ADAMTS9: variants seen among roughly 807,000 people sequenced by gnomAD.
ADAMTS9 encodes the protein ADAM metallopeptidase with thrombospondin type 1 motif 9.
ADAMTS9 carries 107 observed loss-of-function variants against 257.1 expected under a neutral mutation model. The ratio of observed to expected loss-of-function variants is 0.42; its 90% CI spans 0.36 to 0.49. The LOEUF (loss-of-function observed/expected upper bound fraction) is 0.49, where lower values mean the gene tolerates loss of function less well. Ranked by LOEUF, ADAMTS9 falls within the 20% of genes least tolerant of loss-of-function variation. ADAMTS9 has a pLI of 0.03. For missense variants in ADAMTS9, 2,353 were observed against 2,469.1 expected, an observed-to-expected ratio of 0.95 and a Z score of 1.00; for synonymous variants, 982 against 880.9, an observed-to-expected ratio of 1.11 and a Z score of -2.03.
intron 12 of ADAMTS9, among the ~76,000 whole-genome samples, chr3:64,640,610 T>C (rs935681937): frequency 6.6e-6 from 1 of 152,218 alleles, no homozygotes; most frequent in South Asian, 2.1e-4. Context: ...AAAATGGTTG[T>C]TGGTTTTTAC....
rs554620802 is a variant in ADAMTS9, at chr3:64,687,335, A to AG, written c.115+207dup. ...GGGATATATCTGGCAACAGCAAGGT[A>AG]GGGGGGGGTTGCCTAAATTCGTTTC... On this transcript the variant is annotated intron_variant, in intron 1 of 39. Coordinates refer to ENST00000498707, the MANE Select transcript of ADAMTS9 (RefSeq NM_182920.2). The surrounding 1 kb of genome is among the most constrained non-coding windows in gnomAD (Gnocchi z 4.4). Among the ~76,000 whole-genome samples, 2,185 of 151,768 alleles carry AG rather than the reference A, an allele frequency of 0.014. 30 individuals are homozygous for AG. Among genetic ancestry groups the AG allele is most frequent in the Middle Eastern group, 0.041 (12 of 292 alleles).
chr3:64,655,968 C>G (rs1380357505), intron 4 of ADAMTS9, 93 bp from the exon 5 acceptor site: 1 of 722,286 alleles, frequency 1.4e-6, no homozygotes, highest in Non-Finnish European at 2.2e-6. Context: ...CTCTTTTTTA[C>G]GTTTCTTGCA....
At chr3:64,647,245 A>G (rs1700819630) in intron 11 of ADAMTS9, among the ~76,000 whole-genome samples, 1 of 152,100 alleles carries the variant, frequency 6.6e-6, no homozygotes, top group African/African-American at 2.4e-5. Flanking sequence ...TTTTGTTACC[A>G]AATTTTTGGG....
intron 28 of ADAMTS9, among the ~76,000 whole-genome samples, chr3:64,573,261 T>C (rs1375894077): frequency 2.6e-5 from 4 of 152,144 alleles, no homozygotes; most frequent in African/African-American, 2.4e-5. Flanking sequence ...CAGTTCTATG[T>C]ATCTAGGTGA....
At chr3:64,641,274 G>C (rs1203043460) in intron 12 of ADAMTS9, among the ~76,000 whole-genome samples, 2 of 141,362 alleles carry the variant, frequency 1.4e-5, no homozygotes, top group Non-Finnish European at 3.1e-5. Context: ...CTTTTTTTTT[G>C]TTTTGTTTTG....
intron 30 of ADAMTS9, among the ~76,000 whole-genome samples, chr3:64,555,824 G>C (rs12635161): frequency 0.46 from 70,066 of 151,514 alleles, 16,668 homozygotes; most frequent in East Asian, 0.69. Context: ...GTGGAGAAGC[G>C]GGGGAGCAGA....
At chr3:64,519,079 C>T (rs960485446) in intron 39 of ADAMTS9, among the ~76,000 whole-genome samples, 10 of 152,248 alleles carry the variant, frequency 6.6e-5, no homozygotes, top group African/African-American at 9.6e-5. Context: ...TGCCCAGCCT[C>T]ATCATGATCT....
rs2083090424 is a variant in ADAMTS9 at position 64,539,233 on chromosome 3, C to T, written c.5583G>A (p.Gly1861=). 2.5e-6 allele frequency: 4 copies of T among 1,614,036 alleles called. No homozygotes were observed. The highest frequency in any genetic ancestry group is 3.4e-6 in the Non-Finnish European group (4 of 1,179,928). The change falls in exon 37 of 40, where the codon GGG becomes GGA. Residue 1861 remains glycine (G), a synonymous_variant. Transcript: ENST00000498707. ...GGCACTTGGCAGCGCTGTAGCAATCCCCGGCTGTGGCAAAAGGGACGGGAT... is the reference window on the plus strand; with the variant it reads ...GGCACTTGGCAGCGCTGTAGCAATCTCCGGCTGTGGCAAAAGGGACGGGAT... ...EGHPVPFATA[G]DCYSAAKCPQ...
At position 64,517,421 on chromosome 3, in the gene ADAMTS9, T is replaced by TTTTTTTTTTTTTTTTTTTG. The variant is rs2082792044; in HGVS notation, c.*6-319_*6-301dup. Among the ~76,000 whole-genome samples, 3 of 122,076 alleles carry TTTTTTTTTTTTTTTTTTTG rather than the reference T, an allele frequency of 2.5e-5. 1 individual carries two copies. Among genetic ancestry groups the TTTTTTTTTTTTTTTTTTTG allele is most frequent in the Non-Finnish European group, 5.2e-5 (3 of 57,176 alleles). 80.1% of individuals were successfully genotyped at this position (122,076 alleles called of 152,430 possible). ...AGCCCAGCTAATTAAAAATGGTTTTTTTTTTTTTTTTTTTTTTTGCAGAAA... is the reference window on the plus strand; with the variant it reads ...AGCCCAGCTAATTAAAAATGGTTTTTTTTTTTTTTTTTTTTTTTGTTTTTTTTTTTTTTTTTTGCAGAAA... On this transcript the variant is annotated intron_variant, in intron 39 of 39. Coordinates refer to ENST00000498707, the MANE Select transcript of ADAMTS9 (RefSeq NM_182920.2).
chr3:64,684,319 A>C (rs1701836282), intron 2 of ADAMTS9, among the ~76,000 whole-genome samples: 1 of 124,814 alleles, frequency 8.0e-6, no homozygotes, highest in South Asian at 2.7e-4. Flanking sequence ...GATTTAGGGT[A>C]GAGATGTTCA....
chr3:64,532,439 C>T (rs926439585), intron 38 of ADAMTS9, among the ~76,000 whole-genome samples: 3 of 152,268 alleles, frequency 2.0e-5, no homozygotes, highest in South Asian at 2.1e-4. Flanking sequence ...TTCTACCGAG[C>T]GTGTTCTGCT....
At chr3:64,654,314 T>C (rs1367635442) in intron 8 of ADAMTS9, 39 bp downstream of exon 8, 2 of 1,581,066 alleles carry the variant, frequency 1.3e-6, no homozygotes, top group East Asian at 2.2e-5. Flanking sequence ...AAGGTTTAGG[T>C]CACTCCAAAT....
At chr3:64,517,522 G>A (rs1035696500) in intron 39 of ADAMTS9, among the ~76,000 whole-genome samples, 7 of 135,690 alleles carry the variant, frequency 5.2e-5, no homozygotes, top group Admixed American at 2.7e-4. Context: ...GCCTCCTAAA[G>A]TGCTGGCATT....
intron 30 of ADAMTS9, among the ~76,000 whole-genome samples, chr3:64,557,946 G>A (rs1261605986): frequency 6.6e-6 from 1 of 152,154 alleles, no homozygotes; most frequent in African/African-American, 2.4e-5. Flanking sequence ...CCTTTCCCCT[G>A]AACAACCAAT....
At chr3:64,641,241 G>A (rs1559805992) in intron 12 of ADAMTS9, among the ~76,000 whole-genome samples, 2 of 112,550 alleles carry the variant, frequency 1.8e-5, no homozygotes, top group Non-Finnish European at 3.6e-5. Context: ...CCATTAGTGT[G>A]CTATCTTTTT....
chr3:64,682,599 T>G (rs1023151881), intron 2 of ADAMTS9, among the ~76,000 whole-genome samples: 2 of 152,082 alleles, frequency 1.3e-5, no homozygotes, highest in African/African-American at 2.4e-5. Flanking sequence ...TCATTTCCCG[T>G]GCTGGAAAAA....
At chr3:64,682,217 C>T (rs886743743) in intron 2 of ADAMTS9, among the ~76,000 whole-genome samples, 3 of 152,130 alleles carry the variant, frequency 2.0e-5, no homozygotes, top group East Asian at 1.9e-4. Context: ...CTTCCTTGTT[C>T]GTCAGCTGGG....
intron 11 of ADAMTS9, among the ~76,000 whole-genome samples, chr3:64,642,283 T>C (rs929132309): frequency 6.6e-6 from 1 of 152,172 alleles, no homozygotes. Context: ...ATTAGTTTAC[T>C]TGGAAAAACC....
At chr3:64,633,676 C>G (rs1269214182) in intron 13 of ADAMTS9, 22 bp downstream of exon 13, 1 of 1,613,654 alleles carries the variant, frequency 6.2e-7, no homozygotes, top group South Asian at 1.1e-5. Context: ...CAACGGTGAA[C>G]AGATACACCA....
Sources: gnomAD v4.1 joint callset for allele counts (sites outside exome capture counted in the v4.1 genomes callset) on GRCh38, gnomAD v4.1.1 for gene constraint, Gnocchi (gnomAD v3.1) non-coding constraint, MANE v1.5 for transcripts, NCBI Gene and HGNC (gene_info 2026-07-23, HGNC 2026-07-21) for gene names.